The following STX8 variants were observed in gnomAD, a reference collection of about 807,000 sequenced individuals.
STX8 encodes syntaxin-8.
A neutral mutation model predicts 37.5 loss-of-function variants in STX8; 23 were observed. That is an observed-to-expected ratio of 0.61 (90% CI 0.44 to 0.87). The LOEUF is 0.87. Among genes scored for constraint, STX8 ranks in the 40% least tolerant of loss-of-function variants. The probability of loss-of-function intolerance (pLI) is 0.00; values close to 1 mark genes in which losing one functional copy is unlikely to be tolerated. For synonymous variants in STX8, 115 were observed against 99.1 expected (o/e 1.16, Z -0.95); for missense variants, 313 against 284.7 (o/e 1.10, Z -0.71).
intron 7 of STX8, among the ~76,000 whole-genome samples, chr17:9,282,233 C>T (rs1055525619): frequency 6.6e-6 from 1 of 152,114 alleles, no homozygotes; most frequent in Non-Finnish European, 1.5e-5. Context: ...CCCGGGTTCA[C>T]GCCATTCTCC....
chr17:9,327,345 G>A (rs373659131), intron 7 of STX8, among the ~76,000 whole-genome samples: 1 of 150,232 alleles, frequency 6.7e-6, no homozygotes, highest in Admixed American at 6.7e-5. Context: ...AGAAGGAGGA[G>A]GAGGAGAAGG....
At chr17:9,348,455 T>C (rs1173303020) in intron 7 of STX8, among the ~76,000 whole-genome samples, 2 of 122,946 alleles carry the variant, frequency 1.6e-5, no homozygotes, top group African/African-American at 2.7e-5. Flanking sequence ...GGAACCAATG[T>C]ATAGCCTATC....
intron 6 of STX8, among the ~76,000 whole-genome samples, chr17:9,416,486 G>A (rs898349844): frequency 1.3e-5 from 2 of 151,852 alleles, no homozygotes; most frequent in African/African-American, 4.8e-5. Flanking sequence ...TCTCTGCCTC[G>A]GCCTCCCGAG....
At chr17:9,558,154 A>AAGGATG (rs1166908506) in intron 2 of STX8, among the ~76,000 whole-genome samples, 1 of 152,232 alleles carries the variant, frequency 6.6e-6, no homozygotes, top group Admixed American at 6.5e-5. Context: ...TGTTACATTA[A>AAGGATG]AGGATGGAGA....
intron 7 of STX8, among the ~76,000 whole-genome samples, chr17:9,269,428 C>T (rs1014112887): frequency 2.6e-5 from 4 of 152,292 alleles, no homozygotes; most frequent in Middle Eastern, 3.4e-3. Flanking sequence ...TACATATTAG[C>T]ATGTTCAAGC....
intron 3 of STX8, among the ~76,000 whole-genome samples, chr17:9,551,007 G>A (rs1347151887): frequency 1.3e-5 from 2 of 152,150 alleles, no homozygotes; most frequent in East Asian, 1.9e-4. Context: ...CCTGTGAGGC[G>A]GTGGTTGCAG....
At chr17:9,345,252 T>C (rs1910492868) in intron 7 of STX8, among the ~76,000 whole-genome samples, 1 of 152,008 alleles carries the variant, frequency 6.6e-6, no homozygotes. Flanking sequence ...AGGTTTCAAG[T>C]GATTCTTCTG....
At position 9,327,262 on chromosome 17, in the gene STX8, G is replaced by GAGGA. The variant is rs1555596370; in HGVS notation, c.643+51286_643+51289dup. Among the ~76,000 whole-genome samples, 524 of 149,672 alleles carry GAGGA rather than the reference G, an allele frequency of 3.5e-3. 3 individuals carry two copies. The highest frequency in any genetic ancestry group is 0.011 in the African/African-American group (445 of 40,170). On this transcript the variant is annotated intron_variant, in intron 7 of 7. Transcript: ENST00000306357. ...GGACAGAGGAGGAAGGAGGAAGGAG[G>GAGGA]AGGAGGAAGGAGGAAGAAGGAAGAA...
intron 7 of STX8, among the ~76,000 whole-genome samples, chr17:9,281,226 G>A (rs945599748): frequency 7.9e-5 from 12 of 152,172 alleles, no homozygotes; most frequent in Non-Finnish European, 1.3e-4. Flanking sequence ...TGAAGTCAAG[G>A]TGAGGCTGTG....
At position 9,556,504 on chromosome 17, in the gene STX8, C is replaced by T. The variant is rs936366698; in HGVS notation, c.212+930G>A. On this transcript the variant is annotated intron_variant, in intron 3 of 7. Transcript: ENST00000306357. ...TTGCCCAAGCTGGAGTGCTTTGGCA[C>T]GATCTCGGCTCACTGCAACCTCCGC... Among the ~76,000 whole-genome samples the T allele has an allele frequency of 4.8e-4, 73 of 152,004 alleles. No individual in the cohort carries two copies. In the Middle Eastern group the frequency reaches 0.017, roughly 35 times the overall value.
intron 7 of STX8, among the ~76,000 whole-genome samples, chr17:9,365,472 G>A (rs958641572): frequency 6.6e-6 from 1 of 152,248 alleles, no homozygotes; most frequent in Non-Finnish European, 1.5e-5. Flanking sequence ...AGAACATGTA[G>A]ACATGGAAAA....
intron 7 of STX8, among the ~76,000 whole-genome samples, chr17:9,307,272 A>C (rs1236561579): frequency 1.3e-5 from 2 of 152,208 alleles, no homozygotes; most frequent in African/African-American, 2.4e-5. Context: ...AAAAACCATA[A>C]ATGTGAATTC....
At chr17:9,355,563 C>T (rs948703000) in intron 7 of STX8, among the ~76,000 whole-genome samples, 10 of 147,704 alleles carry the variant, frequency 6.8e-5, no homozygotes, top group Admixed American at 1.4e-4. Context: ...AGTGCAATGG[C>T]GCAATCTCGG....
intron 7 of STX8, among the ~76,000 whole-genome samples, chr17:9,319,221 C>T (rs775226713): frequency 3.9e-5 from 6 of 152,108 alleles, no homozygotes; most frequent in African/African-American, 7.2e-5. Flanking sequence ...AGATCGAGAC[C>T]GTCCTGGCTA....
At chr17:9,434,976 C>T (rs1313346542) in intron 6 of STX8, among the ~76,000 whole-genome samples, 2 of 152,108 alleles carry the variant, frequency 1.3e-5, no homozygotes, top group South Asian at 2.1e-4. Context: ...GCAGTGAGGG[C>T]AACTGGAGGT....
intron 5 of STX8, among the ~76,000 whole-genome samples, chr17:9,494,580 C>T (rs1478259228): frequency 2.5e-5 from 3 of 121,742 alleles, no homozygotes; most frequent in Non-Finnish European, 4.8e-5. Context: ...GGCGCCACTG[C>T]ACTCCAGCCT....
intron 7 of STX8, 141 bp from the exon 8 acceptor site, chr17:9,250,786 T>C (rs2072322): frequency 0.16 from 141,654 of 860,524 alleles, 11,966 homozygotes; most frequent in East Asian, 0.19. Context: ...AGGTGGTCGG[T>C]GGCCTGGGGC....
intron 4 of STX8, among the ~76,000 whole-genome samples, chr17:9,518,879 A>C (rs1276454264): frequency 6.6e-6 from 1 of 152,052 alleles, no homozygotes; most frequent in African/African-American, 2.4e-5. Context: ...AAAAAAAAAA[A>C]AAAAAGAATA....
At chr17:9,406,384 A>G (rs1231640933) in intron 6 of STX8, among the ~76,000 whole-genome samples, 1 of 152,232 alleles carries the variant, frequency 6.6e-6, no homozygotes, top group African/African-American at 2.4e-5. Flanking sequence ...ATAACTGCTC[A>G]GGCAGAGATG....
Sources: allele counts gnomAD v4.1 joint callset (sites outside exome capture counted in the v4.1 genomes callset), GRCh38; gene constraint gnomAD v4.1.1; transcripts MANE v1.5; gene names NCBI Gene and HGNC (gene_info 2026-07-23, HGNC 2026-07-21).